Variants in CACNA1C observed in about 807,000 individuals in gnomAD.
CACNA1C encodes calcium voltage-gated channel subunit alpha1 C, also known as voltage-dependent L-type calcium channel subunit alpha-1C.
Under a neutral mutation model 229.0 loss-of-function variants are expected in CACNA1C, and 30 were observed. The ratio of observed to expected loss-of-function variants is 0.13; its 90% confidence interval spans 0.10 to 0.18. The LOEUF (loss-of-function observed/expected upper bound fraction) is 0.18. Among genes scored for constraint, CACNA1C ranks in the 10% least tolerant of loss-of-function variants. CACNA1C has a pLI of 1.00. For missense variants in CACNA1C, 1,658 were observed against 2,845.0 expected, an observed-to-expected ratio of 0.58 and a Z score of 9.49; for synonymous variants, 1,114 against 1,132.5, an observed-to-expected ratio of 0.98 and a Z score of 0.33.
chr12:2,382,672 G>T (rs971303843), intron 3 of CACNA1C, among the ~76,000 whole-genome samples: 3 of 152,156 alleles, frequency 2.0e-5, no homozygotes, highest in African/African-American at 7.2e-5. Context: ...GCTGAGATTC[G>T]AAACCAGTCA....
At chr12:2,366,896 G>A (rs1400036002) in intron 3 of CACNA1C, among the ~76,000 whole-genome samples, 1 of 152,150 alleles carries the variant, frequency 6.6e-6, no homozygotes, top group Non-Finnish European at 1.5e-5. Flanking sequence ...CAGAGAGAGA[G>A]CGCATGCACA....
In CACNA1C at chr12:2,358,292, TG is replaced by T. The variant is rs1157458627; in HGVS notation, c.478-90683del. Among the ~76,000 whole-genome samples the T allele has an allele frequency of 6.1e-4, 88 of 144,806 alleles. 1 individual carries two copies. Among genetic ancestry groups the T allele is most frequent in the African/African-American group, 2.4e-3 (85 of 34,812 alleles). 95.0% of individuals were successfully genotyped at this position (144,806 alleles called of 152,430 possible). A position where few individuals can be genotyped will look rare whatever the true frequency, so the allele number is the denominator to read the frequency against. On this transcript the variant is annotated intron_variant, in intron 3 of 46. Transcript: ENST00000399655. The stretch of plus-strand genomic sequence containing the variant: ...GTGTGTGTGTGTGTGTGTGTGTGTG[TG>T]TGTGTGTGTGTGTGTCTCTTTGTCA...
At chr12:2,343,355 GA>G (rs1351845167) in intron 3 of CACNA1C, among the ~76,000 whole-genome samples, 1 of 152,180 alleles carries the variant, frequency 6.6e-6, no homozygotes, top group Admixed American at 6.5e-5. Flanking sequence ...CTCTCTGTCT[GA>G]AGTGTAAGCA....
At chr12:2,311,207 C>A (rs985544786) in intron 3 of CACNA1C, among the ~76,000 whole-genome samples, 1 of 152,198 alleles carries the variant, frequency 6.6e-6, no homozygotes, top group Non-Finnish European at 1.5e-5. Flanking sequence ...ATAGCAAACT[C>A]TGGTTCTTTG....
intron 38 of CACNA1C, 34 bp from the exon 39 acceptor site, chr12:2,674,507 C>T: frequency 1.9e-6 from 3 of 1,547,248 alleles, no homozygotes; most frequent in Middle Eastern, 1.7e-4. Context: ...ATCAGAGGCC[C>T]ACCAAGGGGC....
In CACNA1C at chr12:2,569,280, T is replaced by C. The variant is rs547723139; in HGVS notation, c.1895+1486T>C. 3.1e-4 allele frequency among the ~76,000 whole-genome samples: 47 copies of C among 152,292 alleles called. 1 individual carries two copies. In the South Asian group the frequency reaches 5.6e-3, roughly 18 times the overall value. Reference sequence around the variant, plus strand: ...CACTGGGAGTGGTGGAATCCATTTATTGGATCACAACCATCATTTTAAAAC... The same window carrying C: ...CACTGGGAGTGGTGGAATCCATTTACTGGATCACAACCATCATTTTAAAAC... On this transcript the variant is annotated intron_variant, in intron 13 of 46. Coordinates refer to ENST00000399655, the MANE Select transcript of CACNA1C (RefSeq NM_000719.7).
chr12:2,519,022 C>T (rs147745304), intron 9 of CACNA1C, among the ~76,000 whole-genome samples: 98 of 152,308 alleles, frequency 6.4e-4, no homozygotes, highest in African/African-American at 2.3e-3. Flanking sequence ...CTCCAGATTC[C>T]CCATGCAGGA....
intron 9 of CACNA1C, among the ~76,000 whole-genome samples, chr12:2,534,015 A>G (rs896401813): frequency 1.3e-5 from 2 of 152,178 alleles, no homozygotes; most frequent in African/African-American, 4.8e-5. Flanking sequence ...GAAAAGGACC[A>G]TTCTGGGATG....
chr12:2,681,768 C>G (rs1478453356), intron 42 of CACNA1C, among the ~76,000 whole-genome samples: 1 of 152,182 alleles, frequency 6.6e-6, no homozygotes, highest in Non-Finnish European at 1.5e-5. Context: ...TGATTTAGCA[C>G]TCGGCTCTGA....
At chr12:2,331,639 A>G (rs1190348067) in intron 3 of CACNA1C, among the ~76,000 whole-genome samples, 1 of 152,256 alleles carries the variant, frequency 6.6e-6, no homozygotes. Flanking sequence ...CAGAATGAGG[A>G]AAACTTTTCC....
At chr12:2,532,294 G>T (rs573454080) in intron 9 of CACNA1C, among the ~76,000 whole-genome samples, 1 of 152,032 alleles carries the variant, frequency 6.6e-6, no homozygotes, top group Non-Finnish European at 1.5e-5. Context: ...CTTGCCTCTG[G>T]CCCAGGCAGG....
intron 9 of CACNA1C, 80 bp from the exon 10 acceptor site, chr12:2,549,863 C>A: frequency 2.0e-6 from 2 of 985,932 alleles, no homozygotes; most frequent in Non-Finnish European, 1.6e-6. Flanking sequence ...TTGCGGTGGG[C>A]GTGTTGCAAA....
chr12:2,094,698 C>G (rs886820502), intron 1 of CACNA1C, among the ~76,000 whole-genome samples: 1 of 152,172 alleles, frequency 6.6e-6, no homozygotes, highest in Non-Finnish European at 1.5e-5. Flanking sequence ...CTCATGCATT[C>G]AGCCCCACTC....
chr12:2,069,966 G>A (rs192382828), intron 1 of CACNA1C, among the ~76,000 whole-genome samples: 2 of 152,208 alleles, frequency 1.3e-5, no homozygotes, highest in Non-Finnish European at 2.9e-5. Flanking sequence ...CACCATGCCT[G>A]GATACATTTT....
chr12:2,669,765 G>A (rs1018738737), intron 38 of CACNA1C, among the ~76,000 whole-genome samples: 1 of 152,162 alleles, frequency 6.6e-6, no homozygotes, highest in Admixed American at 6.5e-5. Flanking sequence ...CTTAGCCAGC[G>A]GACAGGTGAG....
intron 3 of CACNA1C, among the ~76,000 whole-genome samples, chr12:2,236,977 A>G (rs1004079851): frequency 5.9e-5 from 9 of 152,164 alleles, no homozygotes; most frequent in African/African-American, 1.9e-4. Context: ...TGAGATTACT[A>G]CAATGCCTTG....
At position 2,342,028 on chromosome 12, in the gene CACNA1C, A is replaced by G. The variant is rs184219865; in HGVS notation, c.478-106948A>G. ...CGGGTTAAAATCATGATGGTGAGGT[A>G]TTACAGGGCCCAGTCATTTGTTAGG... On this transcript the variant is annotated intron_variant, in intron 3 of 46. Coordinates refer to ENST00000399655, the MANE Select transcript of CACNA1C (RefSeq NM_000719.7). Among the ~76,000 whole-genome samples, 8 of 152,338 alleles carry G rather than the reference A, an allele frequency of 5.3e-5. No individual in the cohort carries two copies. The East Asian group carries it at 1.5e-3, about 29-fold the overall frequency.
intron 11 of CACNA1C, among the ~76,000 whole-genome samples, chr12:2,565,468 C>T (rs1183503440): frequency 5.8e-5 from 6 of 103,270 alleles, no homozygotes; most frequent in South Asian, 3.9e-4. Context: ...AGCGAGACTC[C>T]GTCTCAGAAA....
At chr12:2,687,145 A>G (rs1296442384) in intron 45 of CACNA1C, among the ~76,000 whole-genome samples, 1 of 152,200 alleles carries the variant, frequency 6.6e-6, no homozygotes, top group African/African-American at 2.4e-5. Flanking sequence ...TTTCTGAAAT[A>G]ATGAATATGG....
Sources: allele counts gnomAD v4.1 joint callset (sites outside exome capture counted in the v4.1 genomes callset), GRCh38; gene constraint gnomAD v4.1.1; transcripts MANE v1.5; gene names NCBI Gene and HGNC (gene_info 2026-07-23, HGNC 2026-07-21).